C22orf42: variants seen among roughly 807,000 people sequenced by gnomAD.
C22orf42 encodes uncharacterized protein C22orf42.
A neutral mutation model predicts 31.4 loss-of-function variants in C22orf42; 24 were observed. That is an observed-to-expected ratio of 0.77 (90% confidence interval 0.55 to 1.08). The LOEUF (loss-of-function observed/expected upper bound fraction) is 1.08. Ranked by LOEUF, C22orf42 falls within the 50% of genes least tolerant of loss-of-function variation. The pLI is 0.00. For missense variants in C22orf42, 276 were observed against 327.3 expected (o/e 0.84, Z 1.21); for synonymous variants, 96 against 112.7 (o/e 0.85, Z 0.94).
In C22orf42 at chr22:32,151,575, C is replaced by T. The variant is rs1920981121; in HGVS notation, c.401-24G>A. Reference sequence around the variant, plus strand: ...ACCTAGGAGAACACAGAGTGACAGTCAGTGCATTGGTGCTGCTGAGGAATC... The same window carrying T: ...ACCTAGGAGAACACAGAGTGACAGTTAGTGCATTGGTGCTGCTGAGGAATC... On this transcript the variant is annotated intron_variant, in intron 4 of 8. Coordinates refer to ENST00000382097, the MANE Select transcript of C22orf42 (RefSeq NM_001010859.3). The T allele has an allele frequency of 1.9e-6, 3 of 1,611,754 alleles. No individual in the cohort carries two copies. The South Asian group carries it at 3.3e-5, about 18-fold the overall frequency.
chr22:32,153,526 T>G (rs1921084495), intron 2 of C22orf42, among the ~76,000 whole-genome samples: 1 of 152,244 alleles, frequency 6.6e-6, no homozygotes, highest in South Asian at 2.1e-4. Flanking sequence ...AAATAGATCA[T>G]CTGAATAGGC....
Position 32,159,282 on chromosome 22 carries a change from C to A in C22orf42, c.-67G>T, listed in dbSNP as rs1921466848. The stretch of plus-strand genomic sequence containing the variant: ...CAGAATGTAGTCGGAGCTCCTCCTC[C>A]TTCTACGGCCAGCTACCGACTGAAG... On this transcript the variant is annotated 5_prime_UTR_variant, in exon 1 of 9. In the 5' UTR this introduces an upstream ATG that the reference lacks. Coordinates refer to ENST00000382097, the MANE Select transcript of C22orf42 (RefSeq NM_001010859.3). 6.4e-7 allele frequency: 1 copy of A among 1,573,484 alleles called. No homozygotes were observed. The highest frequency in any genetic ancestry group is 2.3e-5 in the East Asian group (1 of 44,298).
chr22:32,153,238 T>A (rs938595274), intron 2 of C22orf42, among the ~76,000 whole-genome samples: 4 of 152,052 alleles, frequency 2.6e-5, no homozygotes, highest in African/African-American at 9.7e-5. Context: ...GATTGCAGAA[T>A]ACAATGGAAT....
rs1267697410 is a variant in C22orf42 at position 32,150,447 on chromosome 22, CAGAT to C, written c.522_525del (p.Cys177LeufsTer5). The C allele has an allele frequency of 1.9e-6, 3 of 1,614,070 alleles. No homozygotes were observed. The highest frequency in any genetic ancestry group is 2.2e-5 in the East Asian group (1 of 44,882). ...GATGTCATGAAGTCTTCAAGACAGA[CAGAT>C]AGGCTTTCACTGAGATCTTCGACCA... On this transcript the variant is annotated frameshift_variant, in exon 7 of 9. Coordinates refer to ENST00000382097, the MANE Select transcript of C22orf42 (RefSeq NM_001010859.3). LOFTEE classifies it high-confidence loss of function.
chr22:32,152,442 G>T, intron 3 of C22orf42, 120 bp downstream of exon 3: 1 of 867,466 alleles, frequency 1.2e-6, no homozygotes, highest in Non-Finnish European at 1.9e-6. Context: ...CCGGTCTCTA[G>T]AGTCCATGAC....
intron 3 of C22orf42, 55 bp from the exon 4 acceptor site, chr22:32,152,149 C>A: frequency 6.3e-7 from 1 of 1,580,198 alleles, no homozygotes; most frequent in Non-Finnish European, 8.5e-7. Context: ...ATGCTGGGTT[C>A]TGTTGGCAAA....
chr22:32,156,637 C>A (rs1354220416), intron 1 of C22orf42, among the ~76,000 whole-genome samples: 1 of 135,052 alleles, frequency 7.4e-6, no homozygotes, highest in East Asian at 2.0e-4. Flanking sequence ...TCCCTTTTTG[C>A]TTTTCTGTGT....
At chr22:32,153,279 CA>C (rs1444387330) in intron 2 of C22orf42, among the ~76,000 whole-genome samples, 1 of 152,110 alleles carries the variant, frequency 6.6e-6, no homozygotes, top group Non-Finnish European at 1.5e-5. Flanking sequence ...AGAAAATCAA[CA>C]AAACCAAAAA....
At chr22:32,151,373 A>G (rs530373188) in intron 5 of C22orf42, 114 bp downstream of exon 5, 2 of 1,095,986 alleles carry the variant, frequency 1.8e-6, no homozygotes, top group African/African-American at 3.1e-5. Context: ...GCTAGAGTCC[A>G]TGACACTGAG....
In C22orf42 at chr22:32,150,654, A is replaced by C. The variant is rs547691863; in HGVS notation, c.494-175T>G. On this transcript the variant is annotated intron_variant, in intron 6 of 8. Coordinates refer to ENST00000382097, the MANE Select transcript of C22orf42 (RefSeq NM_001010859.3). ...GAAGGAAGGCAAAGGAGAAGGGCAG[A>C]AAGAAATGAAAGAGCCTTGGCTTTC... The C allele has an allele frequency of 1.2e-3, 766 of 654,762 alleles. 9 individuals carry two copies. The African/African-American group carries it at 0.013, about 11-fold the overall frequency. The allele number at this position is 654,762 out of a possible 1,614,324, so 40.6% of individuals were successfully genotyped here. A position where few individuals can be genotyped will look rare whatever the true frequency, so the allele number is the denominator to read the frequency against.
chr22:32,157,955 G>T (rs1921357726), intron 1 of C22orf42, among the ~76,000 whole-genome samples: 2 of 152,276 alleles, frequency 1.3e-5, no homozygotes, highest in South Asian at 4.1e-4. Context: ...CCTGAGAAAA[G>T]TGCAGGGGGG....
chr22:32,159,322 C>T, upstream of C22orf42: 6 of 1,488,652 alleles, frequency 4.0e-6, no homozygotes, highest in Non-Finnish European at 5.3e-6. Context: ...CTGGCCCTGG[C>T]CGTTGCCTAG....
chr22:32,149,702 TATCTATATCTAC>T (rs750826482), intron 8 of C22orf42, 39 bp downstream of exon 8: 10 of 1,186,470 alleles, frequency 8.4e-6, no homozygotes, highest in African/African-American at 3.2e-5. Context: ...TCTATATCTA[TATCTATATCTAC>T]ATATATATCT....
At chr22:32,149,715 A>G in intron 8 of C22orf42, 38 bp downstream of exon 8, 1 of 1,176,762 alleles carries the variant, frequency 8.5e-7, no homozygotes, top group South Asian at 3.0e-5. Context: ...CTATATCTAC[A>G]TATATATCTA....
intron 1 of C22orf42, among the ~76,000 whole-genome samples, chr22:32,154,875 G>A (rs923652693): frequency 2.0e-5 from 3 of 152,220 alleles, no homozygotes; most frequent in Admixed American, 6.5e-5. Context: ...GAGAGGGAGC[G>A]TGTATGGCTC....
Position 32,151,507 on chromosome 22 carries a change from C to T in C22orf42, c.445G>A (p.Glu149Lys). 1 of 1,613,824 alleles carries T rather than the reference C, an allele frequency of 6.2e-7. No individual in the cohort carries two copies. Among genetic ancestry groups the T allele is most frequent in the Non-Finnish European group, 8.5e-7 (1 of 1,179,702 alleles). ...CTTACAATATCTGACGTTATATTCTCCTCCACACCGCCGTGTGCAGACACC... is the reference window on the plus strand; with the variant it reads ...CTTACAATATCTGACGTTATATTCTTCTCCACACCGCCGTGTGCAGACACC... The part of the protein sequence containing the change: ...VQVSAHGGVE[E>K]NITSDIEISE... The change falls in exon 5 of 9, where the codon GAG (glutamate) becomes AAG (lysine). Residue 149 changes from glutamate (E) to lysine (K), a missense_variant. Transcript: ENST00000382097.
Position 32,152,627 on chromosome 22 carries a change from C to T in C22orf42, c.308-1G>A, listed in dbSNP as rs765263714. On this transcript the variant is annotated splice_acceptor_variant, in intron 2 of 8. Coordinates refer to ENST00000382097, the MANE Select transcript of C22orf42 (RefSeq NM_001010859.3). LOFTEE classifies it high-confidence loss of function. Reference sequence around the variant, plus strand: ...GACGCCTGCACATCTTCAGTGGGACCTAGGAGAACACAGAGTGACAGTCAG... The same window carrying T: ...GACGCCTGCACATCTTCAGTGGGACTTAGGAGAACACAGAGTGACAGTCAG... 4 of 1,613,776 alleles carry T rather than the reference C, an allele frequency of 2.5e-6. No homozygotes were observed. The Admixed American group carries it at 6.7e-5, about 27-fold the overall frequency.
chr22:32,149,381 C>CT lies in C22orf42; in HGVS notation c.*158dup. 1.2e-6 allele frequency: 1 copy of CT among 859,862 alleles called. No homozygotes were observed. Among genetic ancestry groups the CT allele is most frequent in the Non-Finnish European group, 1.5e-6 (1 of 652,108 alleles). 53.3% of individuals were successfully genotyped at this position (859,862 alleles called of 1,614,324 possible). On this transcript the variant is annotated 3_prime_UTR_variant, in exon 9 of 9. Transcript: ENST00000382097. Reference sequence around the variant, plus strand: ...GTAAGAACACCAGGCTGCAAGAGGACTGGCTGCAGCCACAAACTGCAGGTC... The same window carrying CT: ...GTAAGAACACCAGGCTGCAAGAGGACTTGGCTGCAGCCACAAACTGCAGGTC...
Position 32,152,635 on chromosome 22 carries a change from A to G in C22orf42, c.308-9T>C. 3 of 1,613,506 alleles carry G rather than the reference A, an allele frequency of 1.9e-6. No individual in the cohort carries two copies. Among genetic ancestry groups the G allele is most frequent in the Non-Finnish European group, 2.5e-6 (3 of 1,179,436 alleles). On this transcript the variant is annotated splice_polypyrimidine_tract_variant and intron_variant, in intron 2 of 8. Transcript: ENST00000382097. The stretch of plus-strand genomic sequence containing the variant: ...CACATCTTCAGTGGGACCTAGGAGA[A>G]CACAGAGTGACAGTCAGTGCATTGG...
Sources: allele counts gnomAD v4.1 joint callset (sites outside exome capture counted in the v4.1 genomes callset), GRCh38; gene constraint gnomAD v4.1.1; transcripts MANE v1.5; gene names NCBI Gene and HGNC (gene_info 2026-07-23, HGNC 2026-07-21).